Variants in BRD4 observed in about 807,000 individuals in gnomAD.
The protein encoded by BRD4 is bromodomain containing 4.
A neutral mutation model predicts 142.1 loss-of-function variants in BRD4; 16 were observed. The ratio of observed to expected loss-of-function variants is 0.11; its 90% CI spans 0.08 to 0.17. The LOEUF (loss-of-function observed/expected upper bound fraction) is 0.17. Among genes scored for constraint, BRD4 ranks in the 10% least tolerant of loss-of-function variants. The pLI is 1.00. For missense variants in BRD4, 1,424 were observed against 1,810.9 expected, an observed-to-expected ratio of 0.79 and a Z score of 3.88; for synonymous variants, 833 against 707.5, an observed-to-expected ratio of 1.18 and a Z score of -2.82.
At chr19:15,284,424 G>C (rs1393820559) in intron 1 of BRD4, among the ~76,000 whole-genome samples, 3 of 152,214 alleles carry the variant, frequency 2.0e-5, no homozygotes, top group Admixed American at 6.5e-5. Context: ...ACCAGTCAGT[G>C]AGAGCTGACA....
chr19:15,303,918 T>A (rs771801506), intron 1 of BRD4, among the ~76,000 whole-genome samples: 1 of 152,120 alleles, frequency 6.6e-6, no homozygotes, highest in Non-Finnish European at 1.5e-5. Context: ...AGCAAGAACA[T>A]TCACCACAAC....
In BRD4 at chr19:15,238,716, G is replaced by T; in HGVS notation, c.4020+27C>A. 6.7e-7 allele frequency: 1 copy of T among 1,485,820 alleles called. No homozygotes were observed. Among genetic ancestry groups the T allele is most frequent in the Non-Finnish European group, 9.0e-7 (1 of 1,117,256 alleles). 92.0% of individuals were successfully genotyped at this position (1,485,820 alleles called of 1,614,324 possible). A position where few individuals can be genotyped will look rare whatever the true frequency, so the allele number is the denominator to read the frequency against. On this transcript the variant is annotated intron_variant, in intron 19 of 19. Coordinates refer to ENST00000679869, the MANE Select transcript of BRD4 (RefSeq NM_001379291.1). This position sits in a 1 kb window ranked among gnomAD's most constrained non-coding sequence, Gnocchi z 7.2. Reference sequence around the variant, plus strand: ...CCCTCAGGAGCTAATCCTTAGACCAGGGTCCCCACCAGGCCTCCAGACTCA... The same window carrying T: ...CCCTCAGGAGCTAATCCTTAGACCATGGTCCCCACCAGGCCTCCAGACTCA...
At chr19:15,256,669 C>A (rs1380857029) in intron 8 of BRD4, among the ~76,000 whole-genome samples, 1 of 152,220 alleles carries the variant, frequency 6.6e-6, no homozygotes, top group Non-Finnish European at 1.5e-5. Context: ...GAGAGACGAA[C>A]ATCCTGGCTC....
In BRD4 at chr19:15,265,436, TG is replaced by T. The variant is rs780128218; in HGVS notation, c.766del (p.Gln256SerfsTer27). Reference sequence around the variant, plus strand: ...AGCTGGAGCGGGTGGGGGTTGTGGCTGGGGGGGCACTGGCGGGGGCGTCTGC... The same window carrying T: ...AGCTGGAGCGGGTGGGGGTTGTGGCTGGGGGGCACTGGCGGGGGCGTCTGC... ...PLQTPPPVPP[Q>X]PQPPPAPAPQ... On this transcript the variant is annotated frameshift_variant, in exon 5 of 20. Coordinates refer to ENST00000679869, the MANE Select transcript of BRD4 (RefSeq NM_001379291.1). LOFTEE classifies it high-confidence loss of function. 1.2e-6 allele frequency: 1 copy of T among 850,802 alleles called. No individual in the cohort carries two copies. The highest frequency in any genetic ancestry group is 1.7e-6 in the Non-Finnish European group (1 of 590,828). 52.7% of individuals were successfully genotyped at this position (850,802 alleles called of 1,614,324 possible). A position where few individuals can be genotyped will look rare whatever the true frequency, so the allele number is the denominator to read the frequency against.
chr19:15,238,058 T>C lies in BRD4; in HGVS notation c.*319A>G, dbSNP rs2047207920. On this transcript the variant is annotated 3_prime_UTR_variant, in exon 20 of 20. Coordinates refer to ENST00000679869, the MANE Select transcript of BRD4 (RefSeq NM_001379291.1). This position sits in a 1 kb window ranked among gnomAD's most constrained non-coding sequence, Gnocchi z 7.2. ...TGTCCTGTGTATACTGTGTAGACAT[T>C]TGGCGGAGAGAAGGGCCTCTGCCCC... 7.3e-6 allele frequency: 3 copies of C among 410,358 alleles called. No homozygotes were observed. Among genetic ancestry groups the C allele is most frequent in the African/African-American group, 2.0e-5 (1 of 49,794 alleles). The allele number at this position is 410,358 out of a possible 1,614,324, so 25.4% of individuals were successfully genotyped here.
intron 1 of BRD4, among the ~76,000 whole-genome samples, chr19:15,307,841 G>A (rs2047927530): frequency 6.6e-6 from 1 of 152,162 alleles, no homozygotes. Context: ...TCGGCCAGAT[G>A]TGGTGGCTCA....
At chr19:15,245,338 G>T (rs761645876) in intron 11 of BRD4, among the ~76,000 whole-genome samples, 2 of 152,038 alleles carry the variant, frequency 1.3e-5, no homozygotes, top group African/African-American at 4.8e-5. Flanking sequence ...GCCACAGGAC[G>T]GTGAGGAACA....
At chr19:15,259,614 T>C (rs2047447832) in intron 7 of BRD4, among the ~76,000 whole-genome samples, 1 of 152,212 alleles carries the variant, frequency 6.6e-6, no homozygotes, top group Non-Finnish European at 1.5e-5. Context: ...CCCTGTCTCT[T>C]GGATGTGAGA....
At position 15,235,620 on chromosome 19, in the gene BRD4, T is replaced by C. The variant is rs2047187088; in HGVS notation, c.*2757A>G. On this transcript the variant is annotated 3_prime_UTR_variant, in exon 20 of 20. Transcript: ENST00000679869. ...AGTGAAAAGTCTACGAATTCCCTTCTACAAATGTCTAAAGTGTTTAATACA... is the reference window on the plus strand; with the variant it reads ...AGTGAAAAGTCTACGAATTCCCTTCCACAAATGTCTAAAGTGTTTAATACA... 6.6e-6 allele frequency: 1 copy of C among 152,046 alleles called. No individual in the cohort carries two copies. Among genetic ancestry groups the C allele is most frequent in the Non-Finnish European group, 1.5e-5 (1 of 68,018 alleles). The allele number at this position is 152,046 out of a possible 1,614,324, so 9.4% of individuals were successfully genotyped here. A position where few individuals can be genotyped will look rare whatever the true frequency, so the allele number is the denominator to read the frequency against.
intron 1 of BRD4, among the ~76,000 whole-genome samples, chr19:15,325,535 C>T (rs547965408): frequency 6.6e-6 from 1 of 152,264 alleles, no homozygotes; most frequent in South Asian, 2.1e-4. Context: ...AAAAAAGACA[C>T]ATTTTGTTTT....
rs144905527 is a variant in BRD4, at chr19:15,251,776, G to A, written c.2158+2376C>T. On this transcript the variant is annotated intron_variant, in intron 11 of 19. Coordinates refer to ENST00000679869, the MANE Select transcript of BRD4 (RefSeq NM_001379291.1). ...CTCCTGAGAGGAGAAGCACCCTGCC[G>A]GCCCACGACAGAGCTCACTCAGTGC... Among the ~76,000 whole-genome samples, 295 of 152,306 alleles carry A rather than the reference G, an allele frequency of 1.9e-3. No individual in the cohort carries two copies. The highest frequency in any genetic ancestry group is 0.01 in the Middle Eastern group (3 of 294).
intron 1 of BRD4, among the ~76,000 whole-genome samples, chr19:15,302,663 C>T (rs1184380136): frequency 2.4e-4 from 20 of 83,940 alleles, no homozygotes; most frequent in Admixed American, 8.9e-4. Context: ...AGCAAGACTC[C>T]GACTCAAAAA....
At chr19:15,254,921 C>T (rs907877710) in intron 10 of BRD4, among the ~76,000 whole-genome samples, 1 of 152,192 alleles carries the variant, frequency 6.6e-6, no homozygotes, top group Non-Finnish European at 1.5e-5. Flanking sequence ...GAGGCTGGCT[C>T]AGTGCTGCAT....
chr19:15,250,299 C>T (rs2047330812), intron 11 of BRD4, among the ~76,000 whole-genome samples: 2 of 152,158 alleles, frequency 1.3e-5, no homozygotes, highest in Admixed American at 6.5e-5. Context: ...TCTTCCTACT[C>T]CCCCACCTCC....
chr19:15,285,514 G>A (rs145319752), intron 1 of BRD4, among the ~76,000 whole-genome samples: 17 of 152,084 alleles, frequency 1.1e-4, no homozygotes, highest in Admixed American at 5.2e-4. Context: ...GCTGTGAGCC[G>A]AAATCACACC....
At chr19:15,260,782 CAGA>C (rs1174944721) in intron 7 of BRD4, among the ~76,000 whole-genome samples, 3 of 132,870 alleles carry the variant, frequency 2.3e-5, no homozygotes, top group Non-Finnish European at 4.7e-5. Context: ...ACTCCCCTCT[CAGA>C]AGGAGAAAAA....
At chr19:15,268,299 G>A (rs1380216996) in intron 3 of BRD4, 3 of 152,816 alleles carry the variant, frequency 2.0e-5, no homozygotes, top group African/African-American at 7.2e-5. Context: ...CAAATGATCT[G>A]GCTTCATGGC....
At position 15,242,987 on chromosome 19, in the gene BRD4, G is replaced by A. The variant is rs2047250755; in HGVS notation, c.3082C>T (p.Pro1028Ser). 1 of 1,573,670 alleles carries A rather than the reference G, an allele frequency of 6.4e-7. No homozygotes were observed. Among genetic ancestry groups the A allele is most frequent in the Non-Finnish European group, 8.6e-7 (1 of 1,162,578 alleles). ...QPPHPPPGQQ[P>S]PPPQPAKPQQ... is the part of the protein sequence containing the mutation. Reference sequence around the variant, plus strand: ...GGCTTGGCAGGCTGCGGCGGGGGTGGCTGCTGGCCTGGGGGCGGATGGGGG... The same window carrying A: ...GGCTTGGCAGGCTGCGGCGGGGGTGACTGCTGGCCTGGGGGCGGATGGGGG... Residue 1028 changes from proline to serine, a missense_variant, in exon 14 of 20, where the codon CCA (proline) becomes TCA (serine). Pro to Ser is a moderately conservative substitution (Grantham distance 74, BLOSUM62 -1). Around this residue, in one of 16 missense-constraint regions of BRD4, gnomAD observed 598 missense variants for 647.8 expected, o/e 0.92. Transcript: ENST00000679869.
intron 4 of BRD4, among the ~76,000 whole-genome samples, chr19:15,266,963 AG>A (rs2047541251): frequency 6.6e-6 from 1 of 152,208 alleles, no homozygotes; most frequent in Non-Finnish European, 1.5e-5. Context: ...CAGATGACTG[AG>A]CATCAGAAGC....
Sources: gnomAD v4.1 joint callset for allele counts (sites outside exome capture counted in the v4.1 genomes callset) on GRCh38, gnomAD v4.1.1 for gene constraint, gnomAD v4.1.1 regional missense constraint, Gnocchi (gnomAD v3.1) non-coding constraint, MANE v1.5 for transcripts, NCBI Gene and HGNC (gene_info 2026-07-23, HGNC 2026-07-21) for gene names.